GNL3: variants seen among roughly 807,000 people sequenced by gnomAD.
GNL3 encodes the protein guanine nucleotide-binding protein-like 3.
In GNL3, 77 loss-of-function variants were observed where a neutral mutation model predicts 70.6. The observed-to-expected ratio is 1.09, with a 90% confidence interval of 0.91 to 1.32. GNL3 has a LOEUF of 1.32. Among genes scored for constraint, GNL3 ranks in the 40% most tolerant of loss-of-function variants. The pLI, the probability that GNL3 is intolerant of heterozygous loss-of-function variation, is 0.00. For synonymous variants in GNL3, 252 were observed against 216.1 expected (o/e 1.17, Z -1.46); for missense variants, 634 against 644.0 (o/e 0.98, Z 0.17).
intron 6 of GNL3, 35 bp from the exon 7 acceptor site, chr3:52,690,557 C>CCAGCCAGAAGG: frequency 7.9e-7 from 1 of 1,267,940 alleles, no homozygotes; most frequent in East Asian, 2.3e-5. Flanking sequence ...GCCACCGTGC[C>CCAGCCAGAAGG]TGGCCGCAAA....
At position 52,689,081 on chromosome 3, in the gene GNL3, A is replaced by T; in HGVS notation, c.416A>T (p.Glu139Val). ...LYCQELKKVI[E>V]ASDVVLEVLD... ...TCATTTTTTCCTTGATAGGTGATTG[A>T]AGCCTCCGATGTTGTCCTAGAGGTG... Residue 139 changes from glutamate to valine, a missense_variant, in exon 6 of 15, where the codon GAA becomes GTA. Glu to Val is a moderately radical substitution (Grantham distance 121). Transcript: ENST00000418458. 8.1e-6 allele frequency: 13 copies of T among 1,613,442 alleles called. No individual in the cohort carries two copies. The highest frequency in any genetic ancestry group is 1.1e-5 in the Non-Finnish European group (13 of 1,179,336).
chr3:52,692,725 A>G (rs755188727), intron 9 of GNL3, 147 bp from the exon 10 acceptor site: 5 of 770,486 alleles, frequency 6.5e-6, no homozygotes, highest in African/African-American at 3.4e-5. Flanking sequence ...ATGCTGTTAC[A>G]GTTTTAGATA....
Position 52,694,019 on chromosome 3 carries a change from T to A in GNL3, c.1501-18T>A. The A allele has an allele frequency of 6.2e-7, 1 of 1,605,906 alleles. No homozygotes were observed. Among genetic ancestry groups the A allele is most frequent in the South Asian group, 1.1e-5 (1 of 90,900 alleles). Reference sequence around the variant, plus strand: ...GACAAGGGCTACTAATCCAGCACTATTTTTCTTTGTCACACAGGAAAACAG... The same window carrying A: ...GACAAGGGCTACTAATCCAGCACTAATTTTCTTTGTCACACAGGAAAACAG... On this transcript the variant is annotated intron_variant, in intron 13 of 14. Coordinates refer to ENST00000418458, the MANE Select transcript of GNL3 (RefSeq NM_014366.5).
chr3:52,692,964 C>G lies in GNL3; in HGVS notation c.962C>G (p.Ala321Gly). 1 of 1,613,840 alleles carries G rather than the reference C, an allele frequency of 6.2e-7. No individual in the cohort carries two copies. The highest frequency in any genetic ancestry group is 8.5e-7 in the Non-Finnish European group (1 of 1,179,702). ...VSPLNSSSAL[A>G]LRSPASIEVV... Reference sequence around the variant, plus strand: ...CCACTTAATTCCTCCTCTGCGCTTGCTCTGCGAAGTCCAGCAAGTATTGAA... The same window carrying G: ...CCACTTAATTCCTCCTCTGCGCTTGGTCTGCGAAGTCCAGCAAGTATTGAA... The change falls in exon 10 of 15, where the codon GCT becomes GGT. Residue 321 changes from alanine to glycine, a missense_variant. By Grantham distance (60) the Ala-to-Gly change is moderately conservative. Coordinates refer to ENST00000418458, the MANE Select transcript of GNL3 (RefSeq NM_014366.5).
intron 2 of GNL3, 48 bp downstream of exon 2, chr3:52,686,875 A>T: frequency 1.4e-6 from 2 of 1,383,568 alleles, no homozygotes; most frequent in East Asian, 2.3e-5. Context: ...TGCTAAACTG[A>T]TTTTGCCCTG....
chr3:52,691,660 A>G, intron 9 of GNL3, 31 bp downstream of exon 9: 2 of 1,088,170 alleles, frequency 1.8e-6, no homozygotes, highest in Admixed American at 1.7e-5. Flanking sequence ...TTGTAATATT[A>G]TAGTGACACA....
chr3:52,694,071 CAG>C lies in GNL3; in HGVS notation c.1536_1537del (p.Glu514GlyfsTer4), dbSNP rs750614669. ...TCAGGCATGTTTGCTGCAGAAGAGA[CAG>C]GGGAGGCACTGTCTGAGGAGACTAC... On this transcript the variant is annotated frameshift_variant, in exon 14 of 15. Transcript: ENST00000418458. LOFTEE classifies it low-confidence loss of function (END_TRUNC). The C allele has an allele frequency of 6.5e-5, 105 of 1,613,760 alleles. No individual in the cohort carries two copies. The highest frequency in any genetic ancestry group is 8.6e-5 in the Non-Finnish European group (101 of 1,179,760).
chr3:52,687,461 A>G (rs1320361005), intron 3 of GNL3, 41 bp from the exon 4 acceptor site: 1 of 1,587,622 alleles, frequency 6.3e-7, no homozygotes, highest in Non-Finnish European at 8.6e-7. Flanking sequence ...AGGTAACAAC[A>G]CTAGTCACTG....
chr3:52,688,550 A>G (rs556386986), intron 5 of GNL3, among the ~76,000 whole-genome samples: 1 of 152,248 alleles, frequency 6.6e-6, no homozygotes, highest in East Asian at 1.9e-4. Flanking sequence ...ATGATTTACA[A>G]CATTAAAAAA....
rs952733901 is a variant in GNL3 at position 52,691,049 on chromosome 3, A to C, written c.759A>C (p.Lys253Asn). Residue 253 changes from lysine to asparagine, a missense_variant, in exon 8 of 15, where the codon AAA becomes AAC. Physicochemically the swap from Lys to Asn is moderately conservative, Grantham distance 94. Transcript: ENST00000418458. ...GAGGTTTTCAGGAAACTTGCAGCAA[A>C]GCCATTCGGGTTGGAGTAATTGGTG... ...LLGGFQETCS[K>N]AIRVGVIGFP... 6.2e-7 allele frequency: 1 copy of C among 1,613,910 alleles called. No homozygotes were observed. Among genetic ancestry groups the C allele is most frequent in the East Asian group, 2.2e-5 (1 of 44,892 alleles).
At position 52,687,630 on chromosome 3, in the gene GNL3, C is replaced by T. The variant is rs2097322374; in HGVS notation, c.324+15C>T. 6.9e-7 allele frequency: 1 copy of T among 1,458,210 alleles called. No homozygotes were observed. The highest frequency in any genetic ancestry group is 9.6e-7 in the Non-Finnish European group (1 of 1,040,460). 90.3% of individuals were successfully genotyped at this position (1,458,210 alleles called of 1,614,324 possible). A position where few individuals can be genotyped will look rare whatever the true frequency, so the allele number is the denominator to read the frequency against. Reference sequence around the variant, plus strand: ...CTATGGAAAAGGTATGATTAGGTCTCTTTATGAATGAGAGATCAGGGGTTT... The same window carrying T: ...CTATGGAAAAGGTATGATTAGGTCTTTTTATGAATGAGAGATCAGGGGTTT... On this transcript the variant is annotated intron_variant, in intron 4 of 14. Coordinates refer to ENST00000418458, the MANE Select transcript of GNL3 (RefSeq NM_014366.5).
chr3:52,689,045 T>C (rs776756969), intron 5 of GNL3, 29 bp from the exon 6 acceptor site: 1 of 1,597,354 alleles, frequency 6.3e-7, no homozygotes. Flanking sequence ...TCCTTGATAA[T>C]GTAGTTCTGG....
At chr3:52,691,659 T>G in intron 9 of GNL3, 30 bp downstream of exon 9, 1 of 1,164,512 alleles carries the variant, frequency 8.6e-7, no homozygotes, top group East Asian at 2.3e-5. Flanking sequence ...ATTGTAATAT[T>G]ATAGTGACAC....
intron 2 of GNL3, 99 bp from the exon 3 acceptor site, chr3:52,687,147 T>C (rs1350829751): frequency 2.1e-6 from 2 of 953,882 alleles, no homozygotes; most frequent in Non-Finnish European, 3.2e-6. Context: ...GGACATTTTA[T>C]AGGCATAACT....
intron 8 of GNL3, 90 bp downstream of exon 8, chr3:52,691,161 T>C: frequency 8.7e-7 from 1 of 1,152,942 alleles, no homozygotes; most frequent in Non-Finnish European, 1.3e-6. Context: ...CAGCAGTGTA[T>C]GGAGTTGTTG....
chr3:52,693,516 G>A lies in GNL3; in HGVS notation c.1296G>A (p.Leu432=), dbSNP rs1214292423. 7 of 1,614,030 alleles carry A rather than the reference G, an allele frequency of 4.3e-6. No individual in the cohort carries two copies. The highest frequency in any genetic ancestry group is 1.1e-5 in the South Asian group (1 of 91,084). ...DMKSGFNLEE[L]EKNNAQSIRA... ...AAAGCGGCTTCAATCTGGAAGAACT[G>A]GAAAAGAACAATGCACAGAGCATAA... Residue 432 remains leucine (L), a synonymous_variant, in exon 12 of 15, where the codon CTG becomes CTA. Transcript: ENST00000418458.
chr3:52,686,473 T>C, intron 1 of GNL3: 1 of 568,342 alleles, frequency 1.8e-6, no homozygotes, highest in Non-Finnish European at 3.1e-6. Flanking sequence ...TCTCCTGCCT[T>C]ATGATTCGTG....
At chr3:52,686,008 T>A, upstream of GNL3, 1 of 790,650 alleles carries the variant, frequency 1.3e-6, no homozygotes, top group Non-Finnish European at 2.3e-6. Flanking sequence ...GCAGCGTAAG[T>A]GCGTGACGCT....
rs755231778 is a variant in GNL3 at position 52,688,174 on chromosome 3, C to T, written c.390C>T (p.Tyr130=). Residue 130 remains tyrosine (Y), a synonymous_variant, in exon 5 of 15, where the codon TAC becomes TAT. Coordinates refer to ENST00000418458, the MANE Select transcript of GNL3 (RefSeq NM_014366.5). ...KSGKQNSKKL[Y]CQELKKVIEA... The stretch of plus-strand genomic sequence containing the variant: ...GCAAACAGAATTCAAAGAAGCTGTA[C>T]TGCCAAGAACTTAAAAAGGTATCTT... 3 of 1,603,524 alleles carry T rather than the reference C, an allele frequency of 1.9e-6. No homozygotes were observed. Among genetic ancestry groups the T allele is most frequent in the Non-Finnish European group, 2.6e-6 (3 of 1,170,314 alleles).
Sources: gnomAD v4.1 joint callset for allele counts (sites outside exome capture counted in the v4.1 genomes callset) on GRCh38, gnomAD v4.1.1 for gene constraint, MANE v1.5 for transcripts, NCBI Gene and HGNC (gene_info 2026-07-23, HGNC 2026-07-21) for gene names.